The following FAM184B variants were observed in gnomAD, a reference collection of about 807,000 sequenced individuals.
FAM184B encodes the protein protein FAM184B.
In FAM184B, 111 loss-of-function variants were observed where a neutral mutation model predicts 135.9. That is an observed-to-expected ratio of 0.82 (90% CI 0.70 to 0.96). FAM184B has a LOEUF of 0.96. FAM184B is among the 40% of genes least tolerant of loss of function. The pLI, the probability that FAM184B is intolerant of heterozygous loss-of-function variation, is 0.00. For missense variants in FAM184B, 1,375 were observed against 1,323.9 expected (o/e 1.04, Z -0.60); for synonymous variants, 552 against 524.8 (o/e 1.05, Z -0.71).
At chr4:17,674,457 C>T (rs1172907930) in intron 7 of FAM184B, among the ~76,000 whole-genome samples, 2 of 152,136 alleles carry the variant, frequency 1.3e-5, no homozygotes, top group Non-Finnish European at 2.9e-5. Flanking sequence ...AATCTTTTTG[C>T]TGTGAAAGGT....
intron 5 of FAM184B, 37 bp from the exon 6 acceptor site, chr4:17,693,449 C>T (rs777271675): frequency 4.5e-5 from 68 of 1,498,098 alleles, no homozygotes; most frequent in South Asian, 2.0e-4. Context: ...ATACAAGGCA[C>T]GAAAACAGGA....
intron 1 of FAM184B, among the ~76,000 whole-genome samples, chr4:17,722,806 T>C (rs944297512): frequency 3.3e-5 from 5 of 152,236 alleles, no homozygotes; most frequent in African/African-American, 2.4e-5. Flanking sequence ...AAAGCACCTT[T>C]GGTTGGCCAA....
At chr4:17,719,627 A>G (rs767616034) in intron 1 of FAM184B, among the ~76,000 whole-genome samples, 1 of 152,160 alleles carries the variant, frequency 6.6e-6, no homozygotes, top group Non-Finnish European at 1.5e-5. Context: ...CCATTAGTGG[A>G]TCACTCCTAT....
Position 17,781,026 on chromosome 4 carries a change from C to T in FAM184B, c.141+133G>A. ...AGTCACCCAGATTTAGGACCGCTTC[C>T]CTTCCCGGTTGGCCTCCGAGACAAA... On this transcript the variant is annotated intron_variant, in intron 1 of 17. Transcript: ENST00000265018. The surrounding 1 kb of genome is among the most constrained non-coding windows in gnomAD (Gnocchi z 6.5). 1 of 1,150,260 alleles carries T rather than the reference C, an allele frequency of 8.7e-7. No individual in the cohort carries two copies. Among genetic ancestry groups the T allele is most frequent in the South Asian group, 1.7e-5 (1 of 58,718 alleles). The allele number at this position is 1,150,260 out of a possible 1,614,324, so 71.3% of individuals were successfully genotyped here.
chr4:17,753,091 G>T (rs2215266), intron 1 of FAM184B, among the ~76,000 whole-genome samples: 39,353 of 152,006 alleles, frequency 0.26, 5,445 homozygotes, highest in Non-Finnish European at 0.31. Flanking sequence ...ACATCTATTT[G>T]ACCCCTGCCC....
chr4:17,664,710 A>G, intron 7 of FAM184B, 51 bp from the exon 8 acceptor site: 4 of 1,401,030 alleles, frequency 2.9e-6, no homozygotes, highest in Non-Finnish European at 2.9e-6. Flanking sequence ...GATGAGCTTA[A>G]GTACAGCTTC....
intron 11 of FAM184B, among the ~76,000 whole-genome samples, chr4:17,651,609 T>C (rs1463076439): frequency 6.8e-6 from 1 of 148,080 alleles, no homozygotes; most frequent in African/African-American, 2.5e-5. Context: ...AACACTTAGA[T>C]AGACTTACTG....
chr4:17,647,902 G>T (rs1357288432), intron 11 of FAM184B, 111 bp from the exon 12 acceptor site: 3 of 1,256,044 alleles, frequency 2.4e-6, no homozygotes, highest in Non-Finnish European at 3.2e-6. Context: ...GCTGCTGAAG[G>T]CTTGTGGTGG....
intron 7 of FAM184B, among the ~76,000 whole-genome samples, chr4:17,677,648 G>A (rs1716343457): frequency 6.6e-6 from 1 of 151,978 alleles, no homozygotes; most frequent in Non-Finnish European, 1.5e-5. Flanking sequence ...AGAGAAAGAG[G>A]GAACCCTCCA....
At position 17,781,320 on chromosome 4, in the gene FAM184B, T is replaced by G. The variant is rs1206407079; in HGVS notation, c.-21A>C. The G allele has an allele frequency of 6.6e-7, 1 of 1,510,042 alleles. No homozygotes were observed. Among genetic ancestry groups the G allele is most frequent in the Admixed American group, 2.1e-5 (1 of 46,606 alleles). The allele number at this position is 1,510,042 out of a possible 1,614,324, so 93.5% of individuals were successfully genotyped here. ...GCCATCGCTAAAACGCGCCCAGCAC[T>G]CAGACTCTCTCGTTTTCTCCCTGCC... On this transcript the variant is annotated 5_prime_UTR_variant, in exon 1 of 18. Transcript: ENST00000265018. This position sits in a 1 kb window ranked among gnomAD's most constrained non-coding sequence, Gnocchi z 6.5.
chr4:17,632,134 G>A lies in FAM184B; in HGVS notation c.*398C>T, dbSNP rs1462363897. 1 of 134,300 alleles carries A rather than the reference G, an allele frequency of 7.4e-6. No individual in the cohort carries two copies. The highest frequency in any genetic ancestry group is 1.6e-5 in the Non-Finnish European group (1 of 63,686). The allele number at this position is 134,300 out of a possible 1,614,324, so 8.3% of individuals were successfully genotyped here. On this transcript the variant is annotated 3_prime_UTR_variant, in exon 18 of 18. Coordinates refer to ENST00000265018, the MANE Select transcript of FAM184B (RefSeq NM_015688.2). The stretch of plus-strand genomic sequence containing the variant: ...CACCCAGGCTGGTTGGAATGCAGGA[G>A]TTCGAACTTGGCTCACTGCAACCTC...
intron 10 of FAM184B, 55 bp from the exon 11 acceptor site, chr4:17,653,038 C>A (rs779834518): frequency 6.6e-7 from 1 of 1,515,054 alleles, no homozygotes. Flanking sequence ...GGGTGGGAGA[C>A]CTGACTCCTT....
intron 2 of FAM184B, among the ~76,000 whole-genome samples, 154 bp downstream of exon 2, chr4:17,708,735 TGTG>T (rs1717177156): frequency 1.5e-5 from 2 of 132,370 alleles, no homozygotes; most frequent in South Asian, 4.9e-4. Flanking sequence ...TGTGTGTGTG[TGTG>T]TGTGTAATGA....
Position 17,642,093 on chromosome 4 carries a change from G to A in FAM184B, c.2482C>T (p.His828Tyr). 6.5e-7 allele frequency: 1 copy of A among 1,532,698 alleles called. No homozygotes were observed. Among genetic ancestry groups the A allele is most frequent in the Non-Finnish European group, 8.7e-7 (1 of 1,145,276 alleles). The allele number at this position is 1,532,698 out of a possible 1,614,324, so 94.9% of individuals were successfully genotyped here. The stretch of plus-strand genomic sequence containing the variant: ...CGGAGCTTCTGCGCCTCCTGCTGAT[G>A]CTGCTCCACCTCCGCGCGCAGCCGC... ...VRRLRAEVEQHQQEAQKLRDQ... is the reference protein window; with the variant it reads ...VRRLRAEVEQYQQEAQKLRDQ... The change falls in exon 13 of 18, where the codon CAT (histidine) becomes TAT (tyrosine). Residue 828 changes from histidine (H) to tyrosine (Y), a missense_variant. Transcript: ENST00000265018.
In FAM184B at chr4:17,781,440, G is replaced by A. The variant is rs1355653743; in HGVS notation, c.-141C>T. 71 of 1,062,310 alleles carry A rather than the reference G, an allele frequency of 6.7e-5. No individual in the cohort carries two copies. The highest frequency in any genetic ancestry group is 8.1e-5 in the Non-Finnish European group (65 of 804,722). The allele number at this position is 1,062,310 out of a possible 1,614,324, so 65.8% of individuals were successfully genotyped here. Reference sequence around the variant, plus strand: ...GTCCCGTCGCCTGCACCGCCGCGTGGCCCCAGCTTCCCGAAGGTCTCCGCC... The same window carrying A: ...GTCCCGTCGCCTGCACCGCCGCGTGACCCCAGCTTCCCGAAGGTCTCCGCC... On this transcript the variant is annotated 5_prime_UTR_variant, in exon 1 of 18. Coordinates refer to ENST00000265018, the MANE Select transcript of FAM184B (RefSeq NM_015688.2). The surrounding 1 kb of genome is among the most constrained non-coding windows in gnomAD (Gnocchi z 6.5).
chr4:17,726,869 G>C (rs946823545), intron 1 of FAM184B, among the ~76,000 whole-genome samples: 1 of 152,166 alleles, frequency 6.6e-6, no homozygotes, highest in South Asian at 2.1e-4. Flanking sequence ...TAACTCTATC[G>C]ATCTGGCTAG....
intron 1 of FAM184B, among the ~76,000 whole-genome samples, chr4:17,747,681 G>T (rs1415921079): frequency 1.3e-5 from 2 of 151,902 alleles, no homozygotes; most frequent in African/African-American, 4.8e-5. Flanking sequence ...CAGCACTTTG[G>T]GAGGCCGAGG....
intron 5 of FAM184B, among the ~76,000 whole-genome samples, chr4:17,700,153 G>T (rs1032170325): frequency 1.3e-5 from 2 of 152,118 alleles, no homozygotes; most frequent in South Asian, 2.1e-4. Flanking sequence ...GTGGGGAACA[G>T]ATGTGACAAG....
rs1715242327 is a variant in FAM184B, at chr4:17,639,381, A to C, written c.2535T>G (p.Thr845=). 6.4e-7 allele frequency: 1 copy of C among 1,551,546 alleles called. No homozygotes were observed. Among genetic ancestry groups the C allele is most frequent in the East Asian group, 2.4e-5 (1 of 40,904 alleles). ...CCTCCCTGGCCCGCTGGGCTTGCTG[A>C]GTCTCCTCCAGGAACCTGTGGTGGA... The part of the protein sequence containing the change: ...LRDQRRFLEE[T]QQAQRAREVE... Residue 845 remains threonine (T), a synonymous_variant, in exon 14 of 18, where the codon ACT becomes ACG. Coordinates refer to ENST00000265018, the MANE Select transcript of FAM184B (RefSeq NM_015688.2).
Sources: allele counts gnomAD v4.1 joint callset (sites outside exome capture counted in the v4.1 genomes callset), GRCh38; gene constraint gnomAD v4.1.1; non-coding constraint Gnocchi (gnomAD v3.1); transcripts MANE v1.5; gene names NCBI Gene and HGNC (gene_info 2026-07-23, HGNC 2026-07-21).